GPC5: variants seen among roughly 807,000 people sequenced by gnomAD.
GPC5 encodes glypican-5.
A neutral mutation model predicts 53.9 loss-of-function variants in GPC5; 47 were observed. The ratio of observed to expected loss-of-function variants is 0.87; its 90% CI spans 0.69 to 1.11. The LOEUF (loss-of-function observed/expected upper bound fraction) is 1.11. Ranked by LOEUF, GPC5 falls within the 50% of genes most tolerant of loss-of-function variation. The probability of loss-of-function intolerance (pLI) is 0.00; values close to 1 mark genes in which losing one functional copy is unlikely to be tolerated. For missense variants in GPC5, 748 were observed against 713.1 expected, an observed-to-expected ratio of 1.05 and a Z score of -0.56; for synonymous variants, 286 against 263.3, an observed-to-expected ratio of 1.09 and a Z score of -0.84.
rs1438453558 is a variant in GPC5 at position 92,044,729 on chromosome 13, T to C, written c.1402-100101T>C. Among the ~76,000 whole-genome samples the C allele has an allele frequency of 2.6e-5, 4 of 152,228 alleles. No individual in the cohort carries two copies. In the East Asian group the frequency reaches 7.7e-4, roughly 29 times the overall value. Reference sequence around the variant, plus strand: ...ATAATTTGAAATATAGTAAGATGTTTAAATGCACTAACAAAATTTGATCAT... The same window carrying C: ...ATAATTTGAAATATAGTAAGATGTTCAAATGCACTAACAAAATTTGATCAT... On this transcript the variant is annotated intron_variant, in intron 6 of 7. Coordinates refer to ENST00000377067, the MANE Select transcript of GPC5 (RefSeq NM_004466.6).
intron 7 of GPC5, among the ~76,000 whole-genome samples, chr13:92,708,781 TA>T (rs1888033189): frequency 6.8e-6 from 1 of 146,440 alleles, no homozygotes; most frequent in Admixed American, 6.9e-5. Context: ...ATACTCACTA[TA>T]AAATATGTTA....
intron 6 of GPC5, among the ~76,000 whole-genome samples, chr13:92,027,306 C>G (rs190541547): frequency 4.6e-5 from 7 of 152,166 alleles, no homozygotes; most frequent in Middle Eastern, 3.4e-3. Flanking sequence ...ACATTATGTT[C>G]TCACTTAACA....
chr13:92,704,808 C>CAT (rs941662326), intron 7 of GPC5, among the ~76,000 whole-genome samples: 1 of 148,496 alleles, frequency 6.7e-6, no homozygotes, highest in Non-Finnish European at 1.5e-5. Context: ...TACACACACA[C>CAT]ATATATATAC....
intron 6 of GPC5, among the ~76,000 whole-genome samples, chr13:92,089,803 A>C (rs2041365170): frequency 6.6e-6 from 1 of 152,168 alleles, no homozygotes; most frequent in Non-Finnish European, 1.5e-5. Flanking sequence ...CCAGCCTCTG[A>C]TTCCTTTATA....
chr13:92,477,070 T>G (rs1488481955), intron 7 of GPC5, among the ~76,000 whole-genome samples: 1 of 150,686 alleles, frequency 6.6e-6, no homozygotes, highest in Non-Finnish European at 1.5e-5. Flanking sequence ...AATAAATAAA[T>G]AAATAAATAA....
chr13:92,801,260 T>C (rs1055211139), intron 7 of GPC5, among the ~76,000 whole-genome samples: 1 of 151,712 alleles, frequency 6.6e-6, no homozygotes, highest in East Asian at 1.9e-4. Context: ...ACAGACATTT[T>C]GGTCGACCAC....
chr13:92,114,429 T>A (rs146453346), intron 6 of GPC5, among the ~76,000 whole-genome samples: 3 of 152,318 alleles, frequency 2.0e-5, no homozygotes, highest in African/African-American at 7.2e-5. Flanking sequence ...CCACTCTACC[T>A]TTCCTTATTC....
chr13:91,699,850 T>G (rs1435403545), intron 3 of GPC5, among the ~76,000 whole-genome samples: 2 of 152,218 alleles, frequency 1.3e-5, no homozygotes, highest in Non-Finnish European at 2.9e-5. Flanking sequence ...TATATAGTGT[T>G]GAGGAACTTC....
chr13:92,804,342 C>A (rs1048585365), intron 7 of GPC5, among the ~76,000 whole-genome samples: 1 of 151,900 alleles, frequency 6.6e-6, no homozygotes, highest in African/African-American at 2.4e-5. Context: ...ATCTTACAGG[C>A]AGACCTCAAA....
intron 6 of GPC5, among the ~76,000 whole-genome samples, chr13:92,005,874 GC>G: frequency 6.6e-6 from 1 of 152,202 alleles, no homozygotes; most frequent in Non-Finnish European, 1.5e-5. Flanking sequence ...ATATTTATAT[GC>G]CACTAAATTA....
intron 2 of GPC5, among the ~76,000 whole-genome samples, chr13:91,480,399 T>G (rs1883234869): frequency 6.6e-6 from 1 of 152,142 alleles, no homozygotes; most frequent in Non-Finnish European, 1.5e-5. Flanking sequence ...TGTACACATG[T>G]CTCTCTATAA....
intron 7 of GPC5, among the ~76,000 whole-genome samples, chr13:92,558,037 G>T (rs144821599): frequency 6.6e-6 from 1 of 152,048 alleles, no homozygotes; most frequent in East Asian, 1.9e-4. Context: ...AACAAGATGG[G>T]ATCCGAGGTA....
At chr13:92,793,132 G>A (rs1876526145) in intron 7 of GPC5, among the ~76,000 whole-genome samples, 1 of 152,014 alleles carries the variant, frequency 6.6e-6, no homozygotes, top group African/African-American at 2.4e-5. Context: ...CACATAGTTG[G>A]AAGTAAAGCT....
intron 7 of GPC5, among the ~76,000 whole-genome samples, chr13:92,756,459 T>A (rs1361321128): frequency 6.6e-6 from 1 of 151,552 alleles, no homozygotes; most frequent in Non-Finnish European, 1.5e-5. Context: ...CTATTCAACA[T>A]AGTGTTGGAA....
At chr13:92,195,732 T>G (rs148280900) in intron 7 of GPC5, among the ~76,000 whole-genome samples, 1,880 of 152,326 alleles carry the variant, frequency 0.012, 24 homozygotes, top group Admixed American at 0.021. Flanking sequence ...TGTAATAAAC[T>G]CAAATGATAC....
chr13:91,942,562 C>T (rs911520689), intron 6 of GPC5, among the ~76,000 whole-genome samples: 2 of 151,884 alleles, frequency 1.3e-5, no homozygotes, highest in Non-Finnish European at 2.9e-5. Context: ...AAACTCAGCT[C>T]ATTTTTAATA....
At chr13:92,765,564 A>G (rs1805656802) in intron 7 of GPC5, among the ~76,000 whole-genome samples, 1 of 152,128 alleles carries the variant, frequency 6.6e-6, no homozygotes, top group African/African-American at 2.4e-5. Context: ...ATTCCCTCCA[A>G]TGTAGAGATT....
chr13:92,561,084 G>A (rs572277291), intron 7 of GPC5, among the ~76,000 whole-genome samples: 2 of 151,982 alleles, frequency 1.3e-5, no homozygotes, highest in Non-Finnish European at 2.9e-5. Context: ...CCTTCGAGAC[G>A]TGACCTTGGC....
At chr13:91,572,611 A>G (rs2139028830) in intron 2 of GPC5, among the ~76,000 whole-genome samples, 1 of 152,166 alleles carries the variant, frequency 6.6e-6, no homozygotes, top group East Asian at 1.9e-4. Flanking sequence ...TAACAGAGCA[A>G]GAATGAAATC....
Sources: allele counts gnomAD v4.1 joint callset (sites outside exome capture counted in the v4.1 genomes callset), GRCh38; gene constraint gnomAD v4.1.1; transcripts MANE v1.5; gene names NCBI Gene and HGNC (gene_info 2026-07-23, HGNC 2026-07-21).